The following POC1B variants were observed in gnomAD, a reference collection of about 807,000 sequenced individuals.
POC1B encodes the protein POC1 centriolar protein homolog B.
POC1B carries 44 observed loss-of-function variants against 60.6 expected under a neutral mutation model. The ratio of observed to expected loss-of-function variants is 0.73; its 90% CI spans 0.57 to 0.93. POC1B has a LOEUF of 0.93. POC1B is among the 40% of genes least tolerant of loss of function. The probability of loss-of-function intolerance (pLI) is 0.00; values close to 1 mark genes in which losing one functional copy is unlikely to be tolerated. For missense variants in POC1B, 555 were observed against 572.3 expected (o/e 0.97, Z 0.31); for synonymous variants, 180 against 198.9 (o/e 0.90, Z 0.80).
chr12:89,486,903 TCACACACACACAGA>T (rs1402389556), intron 4 of POC1B, among the ~76,000 whole-genome samples: 6 of 150,594 alleles, frequency 4.0e-5, no homozygotes, highest in Non-Finnish European at 5.9e-5. Flanking sequence ...TCTCTCTCTC[TCACACACACACAGA>T]CACACACACA....
At chr12:89,418,075 A>G (rs930106081), downstream of POC1B, among the ~76,000 whole-genome samples, 2 of 152,208 alleles carry the variant, frequency 1.3e-5, no homozygotes, top group African/African-American at 4.8e-5. Flanking sequence ...TCAGATGGTA[A>G]TAAGTGCACT....
chr12:89,473,307 A>G (rs1349532883), intron 4 of POC1B, among the ~76,000 whole-genome samples: 1 of 152,244 alleles, frequency 6.6e-6, no homozygotes, highest in Non-Finnish European at 1.5e-5. Flanking sequence ...TGTGACAGAA[A>G]CTTTGCATCT....
chr12:89,504,740 T>G (rs1364950098), intron 2 of POC1B, among the ~76,000 whole-genome samples: 2 of 152,194 alleles, frequency 1.3e-5, no homozygotes, highest in Non-Finnish European at 2.9e-5. Flanking sequence ...AGCCACCAAG[T>G]GGCAAAGAAG....
At chr12:89,521,508 TAA>T (rs1870870772) in intron 2 of POC1B, 1 of 152,674 alleles carries the variant, frequency 6.5e-6, no homozygotes, top group Non-Finnish European at 1.5e-5. Flanking sequence ...AGTGAAAAGA[TAA>T]AAAGTATTGT....
chr12:89,503,784 G>A (rs1482961633), intron 2 of POC1B, among the ~76,000 whole-genome samples: 2 of 145,836 alleles, frequency 1.4e-5, no homozygotes, highest in African/African-American at 5.1e-5. Flanking sequence ...TCTGAGAAGT[G>A]AGGAGCCCCT....
At chr12:89,437,480 C>T (rs530013059) in intron 10 of POC1B, among the ~76,000 whole-genome samples, 6 of 152,126 alleles carry the variant, frequency 3.9e-5, no homozygotes, top group South Asian at 2.1e-4. Flanking sequence ...GAGCTGTCCT[C>T]GTTCCTCTTA....
At chr12:89,524,345 C>G (rs1335584215) in intron 2 of POC1B, 1 of 1,614,050 alleles carries the variant, frequency 6.2e-7, no homozygotes, top group South Asian at 1.1e-5. Context: ...CGGGAATCTG[C>G]AGGGGGCTTC....
chr12:89,438,186 G>C (rs553100795), intron 10 of POC1B, among the ~76,000 whole-genome samples: 1 of 150,622 alleles, frequency 6.6e-6, no homozygotes, highest in Admixed American at 6.6e-5. Flanking sequence ...GGCCGGGCGC[G>C]GTGGCTCACG....
rs1881612786 is a variant in POC1B at position 89,443,267 on chromosome 12, T to C, written c.1113+16371A>G. Among the ~76,000 whole-genome samples the C allele has an allele frequency of 2.6e-5, 4 of 152,264 alleles. 1 individual carries two copies. In the Middle Eastern group the frequency reaches 0.014, roughly 518 times the overall value. ...ACCAAGTGGACCTAATGGACATCTATAGAACTCTCCACCCCAAATCAACAG... is the reference window on the plus strand; with the variant it reads ...ACCAAGTGGACCTAATGGACATCTACAGAACTCTCCACCCCAAATCAACAG... On this transcript the variant is annotated intron_variant, in intron 10 of 11. Coordinates refer to ENST00000313546, the MANE Select transcript of POC1B (RefSeq NM_172240.3).
At chr12:89,418,750 C>T (rs1880413589), downstream of POC1B, among the ~76,000 whole-genome samples, 1 of 152,216 alleles carries the variant, frequency 6.6e-6, no homozygotes. Flanking sequence ...TGCTGGCTCT[C>T]CTTCACTTTC....
chr12:89,523,785 A>C, intron 2 of POC1B: 1 of 1,537,048 alleles, frequency 6.5e-7, no homozygotes. Context: ...TTGTGTCTAT[A>C]ACAGGACACA....
intron 2 of POC1B, among the ~76,000 whole-genome samples, chr12:89,515,054 C>T (rs934423260): frequency 2.6e-5 from 4 of 152,054 alleles, no homozygotes; most frequent in Non-Finnish European, 4.4e-5. Flanking sequence ...CACCAAGTTT[C>T]CTGACACCTT....
chr12:89,455,743 G>T (rs893705642), intron 10 of POC1B, among the ~76,000 whole-genome samples: 3 of 152,004 alleles, frequency 2.0e-5, no homozygotes, highest in African/African-American at 7.3e-5. Context: ...CTAAAGAAAG[G>T]CATACACATA....
intron 4 of POC1B, among the ~76,000 whole-genome samples, chr12:89,477,415 A>C (rs1883166208): frequency 6.6e-6 from 1 of 152,056 alleles, no homozygotes; most frequent in African/African-American, 2.4e-5. Context: ...TCCTTCCTGG[A>C]ATCTCCACCC....
At chr12:89,472,426 G>A in intron 4 of POC1B, 151 bp from the exon 5 acceptor site, 1 of 586,796 alleles carries the variant, frequency 1.7e-6, no homozygotes, top group Non-Finnish European at 3.0e-6. Context: ...CTGCAGCCAA[G>A]ATCTTCATCA....
At position 89,450,741 on chromosome 12, in the gene POC1B, TA is replaced by T. The variant is rs748889232; in HGVS notation, c.1113+8896del. On this transcript the variant is annotated intron_variant, in intron 10 of 11. Coordinates refer to ENST00000313546, the MANE Select transcript of POC1B (RefSeq NM_172240.3). ...TAATTAAAAATAAATAGAAAACCTT[TA>T]AAGGTTTTTGTCATGTTGATGTTGT... Among the ~76,000 whole-genome samples, 11 of 152,214 alleles carry T rather than the reference TA, an allele frequency of 7.2e-5. No homozygotes were observed. In the East Asian group the frequency reaches 1.2e-3, roughly 16 times the overall value.
chr12:89,461,549 C>T (rs975455655), intron 9 of POC1B: 2 of 152,150 alleles, frequency 1.3e-5, no homozygotes, highest in African/African-American at 4.8e-5. Context: ...GACACTACAG[C>T]GTTAATCCAG....
At chr12:89,502,482 C>A in intron 2 of POC1B, 3 of 1,126,216 alleles carry the variant, frequency 2.7e-6, no homozygotes, top group South Asian at 1.3e-5. Context: ...GAAAAGTTGA[C>A]AAAAAAATCT....
chr12:89,519,653 T>C (rs1217404101), intron 2 of POC1B: 1 of 152,608 alleles, frequency 6.6e-6, no homozygotes, highest in African/African-American at 2.4e-5. Context: ...CAACTAAGAC[T>C]ATACAACTTA....
Sources: allele counts gnomAD v4.1 joint callset (sites outside exome capture counted in the v4.1 genomes callset), GRCh38; gene constraint gnomAD v4.1.1; transcripts MANE v1.5; gene names NCBI Gene and HGNC (gene_info 2026-07-23, HGNC 2026-07-21).